Variants in COL11A2 observed in about 807,000 individuals in gnomAD.
The protein encoded by COL11A2 is collagen alpha-2(XI) chain.
COL11A2 carries 116 observed loss-of-function variants against 273.4 expected under a neutral mutation model. The ratio of observed to expected loss-of-function variants is 0.42; its 90% confidence interval spans 0.36 to 0.49. The LOEUF (loss-of-function observed/expected upper bound fraction) is 0.49. Ranked by LOEUF, COL11A2 falls within the 20% of genes least tolerant of loss-of-function variation. The pLI is 0.00. For missense variants in COL11A2, 1,866 were observed against 2,309.0 expected, an observed-to-expected ratio of 0.81 and a Z score of 3.93; for synonymous variants, 782 against 864.2, an observed-to-expected ratio of 0.90 and a Z score of 1.67.
chr6:33,175,442 C>T (rs1226033032), intron 30 of COL11A2, 132 bp downstream of exon 30: 3 of 765,548 alleles, frequency 3.9e-6, no homozygotes, highest in Admixed American at 1.9e-5. Flanking sequence ...GCCATTTACA[C>T]AGACAGAAGT....
In COL11A2 at chr6:33,169,101, G is replaced by A; in HGVS notation, c.3799-93C>T. ...GGCACACGCCACTGCCTCTCTAGAG[G>A]CAGTGCCCACCAGTACCCCCCAGGA... On this transcript the variant is annotated intron_variant, in intron 51 of 65. Transcript: ENST00000341947. This position sits in a 1 kb window ranked among gnomAD's most constrained non-coding sequence, Gnocchi z 5.5. The A allele has an allele frequency of 1.6e-6, 2 of 1,283,890 alleles. No homozygotes were observed. Among genetic ancestry groups the A allele is most frequent in the South Asian group, 2.8e-5 (2 of 70,476 alleles). The allele number at this position is 1,283,890 out of a possible 1,614,324, so 79.5% of individuals were successfully genotyped here.
Position 33,174,166 on chromosome 6 carries a change from C to G in COL11A2, c.2483G>C (p.Arg828Pro). Residue 828 changes from arginine (R) to proline (P), a missense_variant and splice_region_variant, in exon 32 of 66, where the codon CGG becomes CCG. Transcript: ENST00000341947. The stretch of plus-strand genomic sequence containing the variant: ...ACGCCCTCCCACCCCCCAGCTTACC[C>G]GGGCTCCCTTCTCTCCACTGGCACC... ...FPGASGEKGA[R>P]GLSGKSGPRG... The G allele has an allele frequency of 6.3e-7, 1 of 1,587,518 alleles. No homozygotes were observed.
chr6:33,189,367 A>G lies in COL11A2; in HGVS notation c.185T>C (p.Val62Ala), dbSNP rs1177392089. 6.2e-7 allele frequency: 1 copy of G among 1,613,246 alleles called. No homozygotes were observed. Among genetic ancestry groups the G allele is most frequent in the Admixed American group, 1.7e-5 (1 of 60,010 alleles). ...TGCACTGAGCTGGGCAGGTCGTGCCACTCGGTAGGCCACATCAGCTGGACA... is the reference window on the plus strand; with the variant it reads ...TGCACTGAGCTGGGCAGGTCGTGCCGCTCGGTAGGCCACATCAGCTGGACA... ...GICPADVAYR[V>A]ARPAQLSAPT... The change falls in exon 2 of 66, where the codon GTG (valine) becomes GCG (alanine). Residue 62 changes from valine (V) to alanine (A), a missense_variant. Physicochemically the swap from Val to Ala is moderately conservative, Grantham distance 64. Transcript: ENST00000341947. This position sits in a 1 kb window ranked among gnomAD's most constrained non-coding sequence, Gnocchi z 5.6.
In COL11A2 at chr6:33,163,738, G is replaced by C; in HGVS notation, c.5151C>G (p.Asp1717Glu). 1 of 1,613,090 alleles carries C rather than the reference G, an allele frequency of 6.2e-7. No homozygotes were observed. Among genetic ancestry groups the C allele is most frequent in the South Asian group, 1.1e-5 (1 of 91,086 alleles). ...CTCCCCGCCTCGGTGGGGCTCCCAG[G>C]TCTGAGAAGGAGGCATCCAGCACTG... is the stretch of plus-strand genomic sequence containing the variant. ...QLPVLDASFS[D>E]LGAPPRRGGV... The change falls in exon 66 of 66, where the codon GAC (aspartate) becomes GAG (glutamate). Residue 1717 changes from aspartate to glutamate, a missense_variant. Physicochemically the swap from Asp to Glu is conservative, Grantham distance 45 (BLOSUM62 2). Transcript: ENST00000341947. This position sits in a 1 kb window ranked among gnomAD's most constrained non-coding sequence, Gnocchi z 4.1.
chr6:33,163,498 G>A lies in COL11A2; in HGVS notation c.*180C>T, dbSNP rs1033321349. On this transcript the variant is annotated 3_prime_UTR_variant, in exon 66 of 66. Transcript: ENST00000341947. The surrounding 1 kb of genome is among the most constrained non-coding windows in gnomAD (Gnocchi z 4.1). The stretch of plus-strand genomic sequence containing the variant: ...AAGAGCCCCAGATGCCACTCCTCCC[G>A]TGGGGTGTCCAGGCAACCACTTCAC... The A allele has an allele frequency of 4.0e-5, 33 of 826,972 alleles. No homozygotes were observed. The highest frequency in any genetic ancestry group is 8.5e-5 in the African/African-American group (5 of 58,710). 51.2% of individuals were successfully genotyped at this position (826,972 alleles called of 1,614,324 possible).
chr6:33,176,851 C>T lies in COL11A2; in HGVS notation c.2071-86G>A. 1.3e-6 allele frequency: 2 copies of T among 1,553,948 alleles called. No homozygotes were observed. Among genetic ancestry groups the T allele is most frequent in the Non-Finnish European group, 1.8e-6 (2 of 1,140,532 alleles). The stretch of plus-strand genomic sequence containing the variant: ...CTACACTTCTTCCAACCCAAATTTC[C>T]TGTGACCTAGTGAAGCCAACTGTCC... On this transcript the variant is annotated intron_variant, in intron 25 of 65. Transcript: ENST00000341947. The surrounding 1 kb of genome is among the most constrained non-coding windows in gnomAD (Gnocchi z 4.9).
At position 33,164,484 on chromosome 6, in the gene COL11A2, A is replaced by G; in HGVS notation, c.4864-11T>C. 3.3e-6 allele frequency: 5 copies of G among 1,527,910 alleles called. No individual in the cohort carries two copies. Among genetic ancestry groups the G allele is most frequent in the Non-Finnish European group, 4.4e-6 (5 of 1,132,128 alleles). The allele number at this position is 1,527,910 out of a possible 1,614,324, so 94.6% of individuals were successfully genotyped here. Reference sequence around the variant, plus strand: ...GTCCACGTAAGAGAACTGGAAGGAGAGAGAGGGCTGGCCTCAGAGGGGGAG... The same window carrying G: ...GTCCACGTAAGAGAACTGGAAGGAGGGAGAGGGCTGGCCTCAGAGGGGGAG... On this transcript the variant is annotated splice_polypyrimidine_tract_variant and intron_variant, in intron 64 of 65. Transcript: ENST00000341947. This position sits in a 1 kb window ranked among gnomAD's most constrained non-coding sequence, Gnocchi z 4.7.
rs1770253705 is a variant in COL11A2, at chr6:33,172,515, T to C, written c.2898+15A>G. The C allele has an allele frequency of 6.2e-7, 1 of 1,608,104 alleles. No homozygotes were observed. Among genetic ancestry groups the C allele is most frequent in the Non-Finnish European group, 8.5e-7 (1 of 1,175,994 alleles). ...CCAGCTCCCCCACTTCCCCTCTGCC[T>C]GGCCCCTCACTGACCTTTGTTCCTT... On this transcript the variant is annotated intron_variant, in intron 39 of 65. Transcript: ENST00000341947.
chr6:33,167,811 C>T lies in COL11A2; in HGVS notation c.4002G>A (p.Gly1334=). Residue 1334 remains glycine, a synonymous_variant, in exon 55 of 66, where the codon GGG becomes GGA. Transcript: ENST00000341947. The surrounding 1 kb of genome is among the most constrained non-coding windows in gnomAD (Gnocchi z 6.1). The part of the protein sequence containing the change: ...GSPGSEGRQG[G]KGAKGDPGAI... ...GCCTGTCCCTCACCTTGGCTCCCTTCCCTCCTTGTCGCCCCTCGGAACCAG... is the reference window on the plus strand; with the variant it reads ...GCCTGTCCCTCACCTTGGCTCCCTTTCCTCCTTGTCGCCCCTCGGAACCAG... The T allele has an allele frequency of 6.2e-7, 1 of 1,612,870 alleles. No individual in the cohort carries two copies. The highest frequency in any genetic ancestry group is 1.3e-5 in the African/African-American group (1 of 75,000).
intron 4 of COL11A2, 38 bp downstream of exon 4, chr6:33,188,324 G>T (rs559433201): frequency 3.7e-6 from 6 of 1,611,940 alleles, no homozygotes; most frequent in Middle Eastern, 3.4e-4. Context: ...CAAGATAGGG[G>T]ACCAGAAGTC....
intron 8 of COL11A2, among the ~76,000 whole-genome samples, chr6:33,181,902 C>T (rs369299069): frequency 2.0e-5 from 3 of 152,216 alleles, no homozygotes; most frequent in Admixed American, 2.0e-4. Flanking sequence ...TACCCCAATA[C>T]ATCATAAAAG....
rs1225466118 is a variant in COL11A2 at position 33,179,554 on chromosome 6, C to T, written c.1447-67G>A. The stretch of plus-strand genomic sequence containing the variant: ...GGGAACCCCCAGCCCCAGCACTCTC[C>T]AAATTCACCCTTCCTCTCCTGATCC... On this transcript the variant is annotated intron_variant, in intron 13 of 65. Transcript: ENST00000341947. The surrounding 1 kb of genome is among the most constrained non-coding windows in gnomAD (Gnocchi z 6.4). 1.4e-6 allele frequency: 2 copies of T among 1,476,374 alleles called. No individual in the cohort carries two copies. The highest frequency in any genetic ancestry group is 1.9e-6 in the Non-Finnish European group (2 of 1,079,570). 91.5% of individuals were successfully genotyped at this position (1,476,374 alleles called of 1,614,324 possible).
At position 33,167,278 on chromosome 6, in the gene COL11A2, G is replaced by T. The variant is rs1370979992; in HGVS notation, c.4162C>A (p.Pro1388Thr). Residue 1388 changes from proline (P) to threonine (T), a missense_variant, in exon 57 of 66, where the codon CCC becomes ACC. Coordinates refer to ENST00000341947, the MANE Select transcript of COL11A2 (RefSeq NM_080680.3). The surrounding 1 kb of genome is among the most constrained non-coding windows in gnomAD (Gnocchi z 6.1). ...GRPGATGQAGPPGPVGPPGLP... is the reference protein window; with the variant it reads ...GRPGATGQAGTPGPVGPPGLP... ...CAGTCACTCACCACAGGACCTGGGG[G>T]CCCAGCCTGGCCTGTAGCTCCAGGT... 1.9e-6 allele frequency: 3 copies of T among 1,613,884 alleles called. No individual in the cohort carries two copies. In the African/African-American group the frequency reaches 4.0e-5, roughly 22 times the overall value.
At chr6:33,180,448 C>T in intron 11 of COL11A2, 116 bp from the exon 12 acceptor site, 1 of 1,004,192 alleles carries the variant, frequency 1.0e-6, no homozygotes, top group East Asian at 2.6e-5. Context: ...CTAGCTCTTT[C>T]CTGAGTCTCC....
rs1467458982 is a variant in COL11A2 at position 33,173,845 on chromosome 6, C to T, written c.2583+28G>A. The T allele has an allele frequency of 6.2e-7, 1 of 1,613,650 alleles. No individual in the cohort carries two copies. The highest frequency in any genetic ancestry group is 8.5e-7 in the Non-Finnish European group (1 of 1,179,616). On this transcript the variant is annotated intron_variant, in intron 34 of 65. Transcript: ENST00000341947. This position sits in a 1 kb window ranked among gnomAD's most constrained non-coding sequence, Gnocchi z 6.3. ...GAGCTGGGGCTGAGTGGGCAGGGGG[C>T]AGTTGGAGCCTTGTAGAGACCATTC...
intron 8 of COL11A2, 138 bp downstream of exon 8, chr6:33,184,007 A>G (rs1424711734): frequency 4.4e-6 from 3 of 686,312 alleles, no homozygotes; most frequent in East Asian, 6.2e-5. Flanking sequence ...CAACATATAC[A>G]TCATATGTGA....
At chr6:33,171,689 C>T (rs781008509) in intron 42 of COL11A2, 24 bp downstream of exon 42, 4 of 1,608,546 alleles carry the variant, frequency 2.5e-6, no homozygotes, top group Admixed American at 1.7e-5. Flanking sequence ...CCCCAGTACC[C>T]CTCCCCAATA....
chr6:33,192,083 A>C, intron 1 of COL11A2, 76 bp downstream of exon 1: 1 of 1,380,800 alleles, frequency 7.2e-7, no homozygotes, highest in South Asian at 1.2e-5. Context: ...TGCCCCAGGC[A>C]TCAGCTGGCC....
In COL11A2 at chr6:33,164,775, C is replaced by A; in HGVS notation, c.4863+77G>T. ...GGGGGCAACAGCCAGGGGACTGTCA[C>A]CAAAACCCAGAAACCACTAAGCCCT... On this transcript the variant is annotated intron_variant, in intron 64 of 65. Coordinates refer to ENST00000341947, the MANE Select transcript of COL11A2 (RefSeq NM_080680.3). This position sits in a 1 kb window ranked among gnomAD's most constrained non-coding sequence, Gnocchi z 4.7. 1 of 1,353,486 alleles carries A rather than the reference C, an allele frequency of 7.4e-7. No homozygotes were observed. Among genetic ancestry groups the A allele is most frequent in the South Asian group, 1.3e-5 (1 of 79,034 alleles). The allele number at this position is 1,353,486 out of a possible 1,614,324, so 83.8% of individuals were successfully genotyped here. A position where few individuals can be genotyped will look rare whatever the true frequency, so the allele number is the denominator to read the frequency against.
Sources: allele counts gnomAD v4.1 joint callset (sites outside exome capture counted in the v4.1 genomes callset), GRCh38; gene constraint gnomAD v4.1.1; non-coding constraint Gnocchi (gnomAD v3.1); transcripts MANE v1.5; gene names NCBI Gene and HGNC (gene_info 2026-07-23, HGNC 2026-07-21).